ILDR1: variants seen among roughly 807,000 people sequenced by gnomAD.
ILDR1 encodes the protein immunoglobulin like domain containing receptor 1, also known as immunoglobulin-like domain-containing receptor 1.
In ILDR1, 56 loss-of-function variants were observed where a neutral mutation model predicts 62.4. The observed-to-expected ratio is 0.90, with a 90% CI of 0.72 to 1.12. ILDR1 has a LOEUF of 1.12. Ranked by LOEUF, ILDR1 falls within the 50% of genes most tolerant of loss-of-function variation. The pLI is 0.00. For synonymous variants in ILDR1, 284 were observed against 277.8 expected (o/e 1.02, Z -0.22); for missense variants, 736 against 710.6 (o/e 1.04, Z -0.41).
At chr3:122,055,245 T>G in the ILDR1 span, 2 of 479,456 alleles carry the variant, frequency 4.2e-6, no homozygotes, top group Non-Finnish European at 7.4e-6. Context: ...CATATAGACC[T>G]ACGTCAATGA....
At chr3:122,036,376 T>A in the ILDR1 span, among the ~76,000 whole-genome samples, 1 of 151,942 alleles carries the variant, frequency 6.6e-6, no homozygotes, top group South Asian at 2.1e-4. Flanking sequence ...GATCACAAGG[T>A]CAGGAGATCA....
chr3:122,045,756 T>C, the ILDR1 span, among the ~76,000 whole-genome samples: 5 of 149,120 alleles, frequency 3.4e-5, no homozygotes, highest in African/African-American at 1.2e-4. Flanking sequence ...CATTTTTTTG[T>C]TTTCCATTTG....
At chr3:122,021,463 A>G (rs2071854084) in intron 1 of ILDR1, among the ~76,000 whole-genome samples, 1 of 152,224 alleles carries the variant, frequency 6.6e-6, no homozygotes, top group East Asian at 1.9e-4. Flanking sequence ...ATGCAGGATG[A>G]GCAAGGGGTA....
At chr3:122,045,220 G>A in the ILDR1 span, among the ~76,000 whole-genome samples, 1 of 149,600 alleles carries the variant, frequency 6.7e-6, no homozygotes. Context: ...CCATGTAGTT[G>A]AGCAGCTTTG....
At chr3:122,061,102 T>C in the ILDR1 span, among the ~76,000 whole-genome samples, 3 of 152,000 alleles carry the variant, frequency 2.0e-5, no homozygotes, top group Non-Finnish European at 4.4e-5. Flanking sequence ...AAACATCAAG[T>C]AAAAATAAAA....
intron 1 of ILDR1, among the ~76,000 whole-genome samples, chr3:122,010,156 A>ACCT: frequency 6.6e-6 from 1 of 152,210 alleles, no homozygotes; most frequent in Non-Finnish European, 1.5e-5. Flanking sequence ...CTTATTAGGA[A>ACCT]GGGGCAGTTA....
the ILDR1 span, among the ~76,000 whole-genome samples, chr3:122,036,081 G>A: frequency 3.9e-5 from 6 of 152,256 alleles, no homozygotes; most frequent in Non-Finnish European, 7.4e-5. Flanking sequence ...CTGGAGTAAA[G>A]GTCACCCTTA....
chr3:122,036,914 G>C, the ILDR1 span, among the ~76,000 whole-genome samples: 10 of 152,364 alleles, frequency 6.6e-5, no homozygotes, highest in African/African-American at 2.4e-4. Flanking sequence ...TCCAGCTCCA[G>C]CCATGGCTAA....
rs770277704 is a variant in ILDR1, at chr3:122,001,497, G to A, written c.500-43C>T. 3 of 1,607,112 alleles carry A rather than the reference G, an allele frequency of 1.9e-6. No homozygotes were observed. In the East Asian group the frequency reaches 6.7e-5, roughly 36 times the overall value. ...AGCAGGGGTTGAACTAAATATTCAG[G>A]GGGAGGGAATACTTCCAGTTCTGAT... On this transcript the variant is annotated intron_variant, in intron 4 of 7. Coordinates refer to ENST00000344209, the MANE Select transcript of ILDR1 (RefSeq NM_001199799.2).
chr3:121,993,981 A>C lies in ILDR1; in HGVS notation c.779-11T>G, dbSNP rs1417525728. 1 of 1,605,334 alleles carries C rather than the reference A, an allele frequency of 6.2e-7. No homozygotes were observed. The highest frequency in any genetic ancestry group is 8.5e-7 in the Non-Finnish European group (1 of 1,178,954). On this transcript the variant is annotated splice_polypyrimidine_tract_variant and intron_variant, in intron 6 of 7. Coordinates refer to ENST00000344209, the MANE Select transcript of ILDR1 (RefSeq NM_001199799.2). ...ACGGCAGGGACAAATCTGAATGGAAACAAGGACAGGACAATAGAACAAATG... is the reference window on the plus strand; with the variant it reads ...ACGGCAGGGACAAATCTGAATGGAACCAAGGACAGGACAATAGAACAAATG...
chr3:122,005,209 A>AC, intron 3 of ILDR1, 35 bp downstream of exon 3: 12 of 429,206 alleles, frequency 2.8e-5, no homozygotes, highest in South Asian at 4.7e-5. Context: ...ACCTCCCCCC[A>AC]CCCCCAGTTC....
At chr3:121,993,104 T>G (rs773678744) in intron 7 of ILDR1, 46 bp downstream of exon 7, 3 of 1,439,944 alleles carry the variant, frequency 2.1e-6, no homozygotes, top group East Asian at 2.5e-5. Flanking sequence ...GGCTGGAGGC[T>G]CCTCTCTGCC....
chr3:121,999,844 A>G (rs2071491049), intron 5 of ILDR1, among the ~76,000 whole-genome samples: 1 of 152,110 alleles, frequency 6.6e-6, no homozygotes, highest in Non-Finnish European at 1.5e-5. Context: ...GTCAATTACT[A>G]GTTTATCTTC....
intron 1 of ILDR1, among the ~76,000 whole-genome samples, chr3:122,011,047 T>C (rs11925621): frequency 0.028 from 4,327 of 152,196 alleles, 210 homozygotes; most frequent in African/African-American, 0.098. Flanking sequence ...TAAAAGATAA[T>C]TGGTATTCAC....
chr3:122,004,824 T>C (rs1009933559), intron 3 of ILDR1, among the ~76,000 whole-genome samples: 2 of 152,130 alleles, frequency 1.3e-5, no homozygotes, highest in Admixed American at 6.5e-5. Context: ...AAGGTGGTCA[T>C]CTGCTCAGAG....
the ILDR1 span, among the ~76,000 whole-genome samples, chr3:122,047,758 C>T: frequency 2.7e-3 from 411 of 152,374 alleles, 2 homozygotes; most frequent in African/African-American, 9.7e-3. Flanking sequence ...GGCAATGCCT[C>T]GCCCTGCTTC....
At chr3:122,009,597 T>C (rs566481984) in intron 1 of ILDR1, among the ~76,000 whole-genome samples, 3 of 152,316 alleles carry the variant, frequency 2.0e-5, no homozygotes, top group Non-Finnish European at 2.9e-5. Context: ...CTCTTCCTTT[T>C]TTTCCCCTTA....
intron 7 of ILDR1, 136 bp downstream of exon 7, chr3:121,993,014 A>G (rs2071372674): frequency 5.3e-6 from 4 of 747,916 alleles, no homozygotes; most frequent in African/African-American, 1.7e-5. Flanking sequence ...CCTAGCCCAC[A>G]GTGTAATTTG....
At chr3:122,037,454 A>T in the ILDR1 span, among the ~76,000 whole-genome samples, 1 of 152,218 alleles carries the variant, frequency 6.6e-6, no homozygotes, top group African/African-American at 2.4e-5. Context: ...AGATTTAATG[A>T]CTGCCCTGCT....
Sources: allele counts gnomAD v4.1 joint callset (sites outside exome capture counted in the v4.1 genomes callset), GRCh38; gene constraint gnomAD v4.1.1; transcripts MANE v1.5; gene names NCBI Gene and HGNC (gene_info 2026-07-23, HGNC 2026-07-21).